FAT3: variants seen among roughly 807,000 people sequenced by gnomAD.
The protein encoded by FAT3 is FAT atypical cadherin 3, also known as protocadherin Fat 3.
Under a neutral mutation model 310.2 loss-of-function variants are expected in FAT3, and 95 were observed. That is an observed-to-expected ratio of 0.31 (90% CI 0.26 to 0.36). FAT3 has a LOEUF of 0.36. FAT3 is among the 10% of genes least tolerant of loss of function. The pLI, the probability that FAT3 is intolerant of heterozygous loss-of-function variation, is 1.00. For missense variants in FAT3, 5,408 were observed against 5,715.6 expected, an observed-to-expected ratio of 0.95 and a Z score of 1.74; for synonymous variants, 2,314 against 2,192.9, an observed-to-expected ratio of 1.06 and a Z score of -1.54.
chr11:92,659,042 T>C (rs1942680531), intron 3 of FAT3, among the ~76,000 whole-genome samples: 1 of 151,996 alleles, frequency 6.6e-6, no homozygotes. Context: ...TGTTTGGGGA[T>C]AGGGGACACT....
At chr11:92,574,221 C>G (rs1210470212) in intron 3 of FAT3, among the ~76,000 whole-genome samples, 2 of 152,146 alleles carry the variant, frequency 1.3e-5, no homozygotes, top group Non-Finnish European at 2.9e-5. Flanking sequence ...ATACAAATGT[C>G]TGTGAAAATA....
intron 1 of FAT3, among the ~76,000 whole-genome samples, chr11:92,290,053 G>C (rs556299330): frequency 6.6e-6 from 1 of 151,900 alleles, no homozygotes; most frequent in East Asian, 2.0e-4. Flanking sequence ...CCACCTGATG[G>C]CCTTTGCTTT....
rs1450938120 is a variant in FAT3, at chr11:92,831,985, G to A, written c.9845G>A (p.Gly3282Glu). The A allele has an allele frequency of 6.4e-7, 1 of 1,553,254 alleles. No individual in the cohort carries two copies. The highest frequency in any genetic ancestry group is 8.7e-7 in the Non-Finnish European group (1 of 1,148,906). ...TYLIRSGNEQ[G>E]KFKINPKTGG... ...CTCATCCGGTCTGGGAACGAACAAG[G>A]GAAATTTAAGATCAACCCCAAGACA... The change falls in exon 14 of 28, where the codon GGG becomes GAG. Residue 3282 changes from glycine to glutamate, a missense_variant. By Grantham distance (98) the Gly-to-Glu change is moderately conservative. This residue lies in a region of FAT3 where 4,588 missense variants were observed against 4,809.8 expected (regional missense o/e 0.95). Coordinates refer to ENST00000525166, the MANE Select transcript of FAT3 (RefSeq NM_001367949.2).
At chr11:92,416,897 G>A (rs188210152) in intron 2 of FAT3, among the ~76,000 whole-genome samples, 22 of 152,304 alleles carry the variant, frequency 1.4e-4, no homozygotes, top group African/African-American at 5.1e-4. Flanking sequence ...TTTGGTTGGA[G>A]CAGATGATGA....
chr11:92,356,401 C>T (rs933075909), intron 2 of FAT3, among the ~76,000 whole-genome samples: 2 of 152,124 alleles, frequency 1.3e-5, no homozygotes, highest in African/African-American at 4.8e-5. Flanking sequence ...GTGCTTTTTT[C>T]CCCTTAGTCA....
intron 4 of FAT3, among the ~76,000 whole-genome samples, chr11:92,739,066 A>C (rs1488375417): frequency 5.9e-5 from 9 of 152,184 alleles, no homozygotes; most frequent in African/African-American, 2.2e-4. Context: ...TAGAGCACTG[A>C]GACTTGGGCC....
chr11:92,355,444 CTT>C, intron 2 of FAT3, 40 bp downstream of exon 2: 1 of 1,555,042 alleles, frequency 6.4e-7, no homozygotes, highest in African/African-American at 1.4e-5. Context: ...TGTTTCACCT[CTT>C]TTAAATGGTC....
intron 2 of FAT3, among the ~76,000 whole-genome samples, chr11:92,441,923 C>T (rs1951072040): frequency 3.3e-5 from 5 of 151,562 alleles, no homozygotes; most frequent in Admixed American, 3.3e-4. Flanking sequence ...TTAGTCTTAC[C>T]TTCAAATACC....
chr11:92,231,726 T>G (rs1864188875), intron 1 of FAT3, among the ~76,000 whole-genome samples: 2 of 152,182 alleles, frequency 1.3e-5, no homozygotes, highest in African/African-American at 4.8e-5. Flanking sequence ...ATTTGATAAT[T>G]GTAAACATCT....
chr11:92,229,497 T>TG, intron 1 of FAT3, among the ~76,000 whole-genome samples: 1 of 100,762 alleles, frequency 9.9e-6, no homozygotes, highest in African/African-American at 3.6e-5. Context: ...TTCGTGTTTT[T>TG]TTTTTTTTTG....
At chr11:92,295,220 C>G (rs901250696) in intron 1 of FAT3, among the ~76,000 whole-genome samples, 2 of 152,056 alleles carry the variant, frequency 1.3e-5, no homozygotes, top group South Asian at 2.1e-4. Context: ...AATTCTTTAC[C>G]CTGGAATGCA....
intron 3 of FAT3, among the ~76,000 whole-genome samples, chr11:92,619,580 CCT>C (rs1940985827): frequency 6.6e-6 from 1 of 151,882 alleles, no homozygotes; most frequent in South Asian, 2.1e-4. Context: ...ACTGTTTCTC[CCT>C]GAGTCAAGTT....
In FAT3 at chr11:92,844,544, G is replaced by C. The variant is rs115557339; in HGVS notation, c.11177G>C (p.Arg3726Thr). 337 of 1,614,014 alleles carry C rather than the reference G, an allele frequency of 2.1e-4. 1 individual carries two copies. The African/African-American group carries it at 3.9e-3, about 19-fold the overall frequency. Residue 3726 changes from arginine (R) to threonine (T), a missense_variant, in exon 19 of 28, where the codon AGA (arginine) becomes ACA (threonine). Coordinates refer to ENST00000525166, the MANE Select transcript of FAT3 (RefSeq NM_001367949.2). ...AYLIQKLSNA[R>T]RHLENIMRIS... ...CTGATCCAGAAGCTGTCCAATGCTAGAAGACACCTGGAGAATATCATGCGC... is the reference window on the plus strand; with the variant it reads ...CTGATCCAGAAGCTGTCCAATGCTACAAGACACCTGGAGAATATCATGCGC...
At chr11:92,539,860 A>G (rs1954382961) in intron 3 of FAT3, among the ~76,000 whole-genome samples, 1 of 152,212 alleles carries the variant, frequency 6.6e-6, no homozygotes, top group Non-Finnish European at 1.5e-5. Flanking sequence ...TCTTTTGAAC[A>G]AAGTGATAAA....
chr11:92,865,336 A>G (rs911249885), intron 21 of FAT3, among the ~76,000 whole-genome samples: 1 of 152,234 alleles, frequency 6.6e-6, no homozygotes. Context: ...CACGTTTCAC[A>G]AGGACTGCTT....
At chr11:92,430,488 G>A (rs1332812350) in intron 2 of FAT3, among the ~76,000 whole-genome samples, 4 of 151,928 alleles carry the variant, frequency 2.6e-5, no homozygotes, top group Non-Finnish European at 4.4e-5. Context: ...TTTGGTCTTT[G>A]ATTTTGGTGG....
intron 1 of FAT3, among the ~76,000 whole-genome samples, chr11:92,259,403 TG>T (rs1865444955): frequency 6.6e-6 from 1 of 152,112 alleles, no homozygotes; most frequent in South Asian, 2.1e-4. Flanking sequence ...ACACTTAAGA[TG>T]GCAATAATTT....
At chr11:92,661,282 A>C (rs77754833) in intron 3 of FAT3, among the ~76,000 whole-genome samples, 1,647 of 152,286 alleles carry the variant, frequency 0.011, 30 homozygotes, top group African/African-American at 0.037. Context: ...GCAAGGATAC[A>C]CAGAAATATT....
Position 92,620,129 on chromosome 11 carries a change from G to A in FAT3, c.3608-77255G>A, listed in dbSNP as rs566625593. Among the ~76,000 whole-genome samples, 4 of 152,144 alleles carry A rather than the reference G, an allele frequency of 2.6e-5. No homozygotes were observed. The South Asian group carries it at 8.3e-4, about 32-fold the overall frequency. ...TGACCCATTGATTATTTAGGAGTGT[G>A]TTGTTTAATTTTCACATATATGAGA... On this transcript the variant is annotated intron_variant, in intron 3 of 27. Transcript: ENST00000525166.
Sources: gnomAD v4.1 joint callset for allele counts (sites outside exome capture counted in the v4.1 genomes callset) on GRCh38, gnomAD v4.1.1 for gene constraint, gnomAD v4.1.1 regional missense constraint, MANE v1.5 for transcripts, NCBI Gene and HGNC (gene_info 2026-07-23, HGNC 2026-07-21) for gene names.